The following TMC7 variants were observed in gnomAD, a reference collection of about 807,000 sequenced individuals.
TMC7 encodes transmembrane channel-like protein 7.
A neutral mutation model predicts 82.9 loss-of-function variants in TMC7; 54 were observed. The observed-to-expected ratio is 0.65, with a 90% CI of 0.52 to 0.82. The LOEUF (loss-of-function observed/expected upper bound fraction) is 0.82. Among genes scored for constraint, TMC7 ranks in the 40% least tolerant of loss-of-function variants. The pLI is 0.00. For missense variants in TMC7, 820 were observed against 901.2 expected, an observed-to-expected ratio of 0.91 and a Z score of 1.15; for synonymous variants, 350 against 337.9, an observed-to-expected ratio of 1.04 and a Z score of -0.39.
At chr16:19,024,247 A>T (rs1242653110) in intron 5 of TMC7, among the ~76,000 whole-genome samples, 1 of 152,008 alleles carries the variant, frequency 6.6e-6, no homozygotes. Context: ...CCTGGGCAAC[A>T]TATCTCTACA....
Position 19,010,293 on chromosome 16 carries a change from T to C in TMC7, c.311+878T>C, listed in dbSNP as rs557001479. 2.5e-3 allele frequency among the ~76,000 whole-genome samples: 377 copies of C among 151,948 alleles called. 1 individual carries two copies. The highest frequency in any genetic ancestry group is 3.7e-3 in the Non-Finnish European group (250 of 67,976). ...CCTCAGTCTCCCGAGTAGCTGGGAT[T>C]ACAGGCATGTGCCACCATGCCCAGC... On this transcript the variant is annotated intron_variant, in intron 2 of 15. Coordinates refer to ENST00000304381, the MANE Select transcript of TMC7 (RefSeq NM_024847.4).
chr16:18,984,518 AC>A, intron 1 of TMC7: 1 of 1,030,848 alleles, frequency 9.7e-7, no homozygotes, highest in Non-Finnish European at 1.2e-6. Context: ...TTCAGCCTTC[AC>A]ATACAGTTAG....
intron 4 of TMC7, among the ~76,000 whole-genome samples, chr16:19,022,686 G>T (rs553130200): frequency 6.6e-6 from 1 of 152,262 alleles, no homozygotes; most frequent in African/African-American, 2.4e-5. Flanking sequence ...TATCCTCCTC[G>T]TTAAGCCATG....
chr16:19,007,716 A>T (rs1378001069), intron 1 of TMC7, among the ~76,000 whole-genome samples: 1 of 151,344 alleles, frequency 6.6e-6, no homozygotes, highest in Non-Finnish European at 1.5e-5. Flanking sequence ...ACAATACCTG[A>T]CCCCACCTTA....
rs1053441597 is a variant in TMC7, at chr16:19,016,321, C to A, written c.312-129C>A. ...GCCAGGCTGGTCTTGAACTCCTGAC[C>A]TCAGGTGATCCACCTGCCTCGGCCT... On this transcript the variant is annotated intron_variant, in intron 2 of 15. Transcript: ENST00000304381. 54 of 1,056,246 alleles carry A rather than the reference C, an allele frequency of 5.1e-5. No homozygotes were observed. In the African/African-American group the frequency reaches 8.3e-4, roughly 16 times the overall value. The allele number at this position is 1,056,246 out of a possible 1,614,324, so 65.4% of individuals were successfully genotyped here.
chr16:19,008,330 G>T (rs1003313934), intron 1 of TMC7, among the ~76,000 whole-genome samples: 1 of 152,152 alleles, frequency 6.6e-6, no homozygotes, highest in African/African-American at 2.4e-5. Context: ...AAACGATAAG[G>T]GTTTTGGAGT....
chr16:19,002,335 CA>C (rs1178616321), intron 1 of TMC7, among the ~76,000 whole-genome samples: 1 of 149,894 alleles, frequency 6.7e-6, no homozygotes, highest in Non-Finnish European at 1.5e-5. Context: ...CTCCTGGGTT[CA>C]AGTGATTCTC....
rs752335445 is a variant in TMC7, at chr16:19,037,856, A to AT, written c.1006-14dup. 1.2e-6 allele frequency: 2 copies of AT among 1,607,368 alleles called. No homozygotes were observed. Reference sequence around the variant, plus strand: ...CCTTCATCCCACTGCTCACAAGTGAATTTTCTTTTATCTTCAGGCAGATCT... The same window carrying AT: ...CCTTCATCCCACTGCTCACAAGTGAATTTTTCTTTTATCTTCAGGCAGATCT... On this transcript the variant is annotated splice_polypyrimidine_tract_variant and intron_variant, in intron 7 of 15. Coordinates refer to ENST00000304381, the MANE Select transcript of TMC7 (RefSeq NM_024847.4).
intron 7 of TMC7, 21 bp downstream of exon 7, chr16:19,035,844 C>T (rs777579142): frequency 6.4e-7 from 1 of 1,553,202 alleles, no homozygotes; most frequent in Non-Finnish European, 8.7e-7. Context: ...CTGAGTTTGT[C>T]CGTGGTGGGG....
intron 2 of TMC7, chr16:19,012,384 G>C (rs1466063528): frequency 1.3e-5 from 2 of 152,098 alleles, no homozygotes; most frequent in Non-Finnish European, 2.9e-5. Context: ...ACCTAAGAGA[G>C]AGACATATTT....
rs192964888 is a variant in TMC7, at chr16:19,029,697, T to C, written c.712-527T>C. 4.0e-5 allele frequency among the ~76,000 whole-genome samples: 6 copies of C among 150,660 alleles called. No homozygotes were observed. The East Asian group carries it at 1.2e-3, about 30-fold the overall frequency. On this transcript the variant is annotated intron_variant, in intron 5 of 15. Transcript: ENST00000304381. ...GCCATCTGTGCATTTTTTTTTTTTT[T>C]TGAGATGGAGTCTCATTCTGTTGCC...
chr16:19,002,156 C>T (rs1408854465), intron 1 of TMC7, among the ~76,000 whole-genome samples: 1 of 151,852 alleles, frequency 6.6e-6, no homozygotes, highest in Non-Finnish European at 1.5e-5. Context: ...CAAGAAAGGA[C>T]CTCAGGATGC....
At chr16:19,048,418 C>CTTTAT (rs969532935) in intron 12 of TMC7, among the ~76,000 whole-genome samples, 17 of 151,946 alleles carry the variant, frequency 1.1e-4, no homozygotes, top group Admixed American at 9.2e-4. Flanking sequence ...TTTTTTCTTT[C>CTTTAT]TTTATTTTAT....
intron 14 of TMC7, among the ~76,000 whole-genome samples, chr16:19,058,684 C>G (rs1381934427): frequency 6.6e-6 from 1 of 152,190 alleles, no homozygotes; most frequent in Non-Finnish European, 1.5e-5. Context: ...TTCTTATACC[C>G]TCTGCTTGGA....
intron 1 of TMC7, among the ~76,000 whole-genome samples, chr16:18,992,855 A>G (rs2038976448): frequency 6.6e-6 from 1 of 152,202 alleles, no homozygotes; most frequent in Non-Finnish European, 1.5e-5. Flanking sequence ...TAAATAGGGA[A>G]TCCTTTCCCC....
At chr16:19,020,321 C>A (rs1400523371) in intron 3 of TMC7, among the ~76,000 whole-genome samples, 1 of 151,980 alleles carries the variant, frequency 6.6e-6, no homozygotes, top group East Asian at 1.9e-4. Context: ...CAAAATCATC[C>A]TGGAAGTTCT....
At chr16:19,060,435 G>A (rs1961952788) in intron 15 of TMC7, among the ~76,000 whole-genome samples, 1 of 151,960 alleles carries the variant, frequency 6.6e-6, no homozygotes, top group Admixed American at 6.6e-5. Flanking sequence ...GAACTCCTGG[G>A]CTCAAGTGAT....
rs778833856 is a variant in TMC7, at chr16:19,047,144, G to A, written c.1635G>A (p.Leu545=). ...QQEFAIPDNV[L]GIVYGQTICW... is the part of the protein sequence containing the mutation. ...AGTTTGCCATTCCTGATAACGTCCT[G>A]GGGATAGTTTACGGGCAAACCATCT... The change falls in exon 12 of 16, where the codon CTG becomes CTA. Residue 545 remains leucine, a synonymous_variant. Transcript: ENST00000304381. 6.2e-7 allele frequency: 1 copy of A among 1,614,016 alleles called. No homozygotes were observed. The highest frequency in any genetic ancestry group is 1.1e-5 in the South Asian group (1 of 91,072).
intron 1 of TMC7, among the ~76,000 whole-genome samples, chr16:19,006,035 A>ACCTGGC (rs1422371670): frequency 6.6e-6 from 1 of 152,108 alleles, no homozygotes; most frequent in African/African-American, 2.4e-5. Flanking sequence ...ACCGGTCCCC[A>ACCTGGC]CCTGGCCCTG....
Sources: allele counts gnomAD v4.1 joint callset (sites outside exome capture counted in the v4.1 genomes callset), GRCh38; gene constraint gnomAD v4.1.1; transcripts MANE v1.5; gene names NCBI Gene and HGNC (gene_info 2026-07-23, HGNC 2026-07-21).